LRP1B: variants seen among roughly 807,000 people sequenced by gnomAD.
LRP1B encodes the protein LDL receptor related protein 1B.
Under a neutral mutation model 556.6 loss-of-function variants are expected in LRP1B, and 217 were observed. The ratio of observed to expected loss-of-function variants is 0.39; its 90% CI spans 0.35 to 0.44. The LOEUF (loss-of-function observed/expected upper bound fraction) is 0.44, where lower values mean the gene tolerates loss of function less well. Among genes scored for constraint, LRP1B ranks in the 20% least tolerant of loss-of-function variants. The pLI is 1.00. For missense variants in LRP1B, 5,053 were observed against 5,620.8 expected (o/e 0.90, Z 3.23); for synonymous variants, 2,047 against 1,865.8 (o/e 1.10, Z -2.50).
intron 37 of LRP1B, among the ~76,000 whole-genome samples, chr2:140,709,040 T>C (rs1686939625): frequency 6.6e-6 from 1 of 152,090 alleles, no homozygotes; most frequent in African/African-American, 2.4e-5. Context: ...CAAGACCTTT[T>C]ATATATTGTT....
chr2:141,532,060 T>C (rs1016958734), intron 2 of LRP1B, among the ~76,000 whole-genome samples: 1 of 152,138 alleles, frequency 6.6e-6, no homozygotes, highest in African/African-American at 2.4e-5. Flanking sequence ...GAAGAATAAA[T>C]TCATAATGTT....
intron 2 of LRP1B, among the ~76,000 whole-genome samples, chr2:141,645,469 C>CTTT (rs750147915): frequency 1.0e-3 from 49 of 48,372 alleles, no homozygotes; most frequent in African/African-American, 3.2e-3. Context: ...GAAGACAAGG[C>CTTT]TTTTTTTTTT....
chr2:140,859,690 T>C (rs1692729498), intron 27 of LRP1B, among the ~76,000 whole-genome samples: 1 of 152,132 alleles, frequency 6.6e-6, no homozygotes, highest in Admixed American at 6.5e-5. Context: ...ATGGTAACCT[T>C]TGTTTATGAA....
intron 7 of LRP1B, among the ~76,000 whole-genome samples, chr2:141,173,839 T>G (rs981540645): frequency 1.3e-5 from 2 of 152,086 alleles, no homozygotes; most frequent in Non-Finnish European, 2.9e-5. Flanking sequence ...CTGTTCTTCC[T>G]GCTATGTGAG....
intron 7 of LRP1B, among the ~76,000 whole-genome samples, chr2:141,157,978 A>C (rs1205717238): frequency 6.6e-6 from 1 of 152,166 alleles, no homozygotes; most frequent in Non-Finnish European, 1.5e-5. Context: ...ATCTACAAAT[A>C]CACCAGTTGT....
At chr2:140,457,787 G>A (rs1687163222) in intron 60 of LRP1B, 136 bp from the exon 61 acceptor site, 5 of 658,412 alleles carry the variant, frequency 7.6e-6, no homozygotes, top group Non-Finnish European at 2.5e-6. Flanking sequence ...TGTCAGGCCA[G>A]CAAAGTTCTT....
intron 1 of LRP1B, among the ~76,000 whole-genome samples, chr2:141,839,267 T>C (rs1697386078): frequency 6.6e-6 from 1 of 152,142 alleles, no homozygotes; most frequent in African/African-American, 2.4e-5. Flanking sequence ...ACATGTACCT[T>C]ACATAGTGGA....
intron 78 of LRP1B, among the ~76,000 whole-genome samples, chr2:140,334,832 T>G (rs938572182): frequency 6.6e-6 from 1 of 152,048 alleles, no homozygotes; most frequent in Non-Finnish European, 1.5e-5. Flanking sequence ...CAAAATTCAA[T>G]TTTGAAAATT....
intron 59 of LRP1B, among the ~76,000 whole-genome samples, chr2:140,482,406 C>A (rs1015426723): frequency 6.6e-6 from 1 of 152,106 alleles, no homozygotes; most frequent in African/African-American, 2.4e-5. Context: ...AGAGTTTTAA[C>A]ATATTTACAT....
rs1559131664 is a variant in LRP1B, at chr2:141,544,405, C to CCTCCTT, written c.206-63873_206-63872insAAGGAG. Among the ~76,000 whole-genome samples the CCTCCTT allele has an allele frequency of 4.1e-4, 27 of 65,926 alleles. 2 individuals are homozygous for CCTCCTT. In the South Asian group the frequency reaches 0.013, roughly 31 times the overall value. The allele number at this position is 65,926 out of a possible 152,430, so 43.3% of individuals were successfully genotyped here. A position where few individuals can be genotyped will look rare whatever the true frequency, so the allele number is the denominator to read the frequency against. On this transcript the variant is annotated intron_variant, in intron 2 of 90. Transcript: ENST00000389484. The stretch of plus-strand genomic sequence containing the variant: ...TTCTCCTCCTCCTCCTCCTCCTCCT[C>CCTCCTT]CTCCTCCTTCTCCTCCTTCTCCTCC...
At chr2:141,139,397 G>A (rs935218643) in intron 7 of LRP1B, among the ~76,000 whole-genome samples, 1 of 151,640 alleles carries the variant, frequency 6.6e-6, no homozygotes, top group Admixed American at 6.6e-5. Flanking sequence ...GACACTGTTA[G>A]GAGAATAAAA....
At chr2:140,257,146 T>G (rs990065619) in intron 86 of LRP1B, among the ~76,000 whole-genome samples, 8 of 152,172 alleles carry the variant, frequency 5.3e-5, no homozygotes, top group Admixed American at 2.6e-4. Flanking sequence ...TAAAGTTAAT[T>G]TGGGATCAAG....
At chr2:140,914,722 G>A (rs986026197) in intron 21 of LRP1B, among the ~76,000 whole-genome samples, 2 of 152,062 alleles carry the variant, frequency 1.3e-5, no homozygotes, top group African/African-American at 4.8e-5. Flanking sequence ...ATGGGCAAGG[G>A]AAAGTGAAAT....
At chr2:141,480,276 C>A in intron 3 of LRP1B, 120 bp downstream of exon 3, 1 of 1,109,258 alleles carries the variant, frequency 9.0e-7, no homozygotes, top group Non-Finnish European at 1.3e-6. Flanking sequence ...AAAATTCATG[C>A]TTTCTTAATA....
At chr2:141,369,463 C>T (rs558086380) in intron 3 of LRP1B, among the ~76,000 whole-genome samples, 34 of 152,106 alleles carry the variant, frequency 2.2e-4, no homozygotes, top group African/African-American at 8.0e-4. Flanking sequence ...AATGTTGAAG[C>T]CAATGTCAAC....
chr2:141,255,046 A>T (rs997149390), intron 3 of LRP1B, among the ~76,000 whole-genome samples: 1 of 152,104 alleles, frequency 6.6e-6, no homozygotes, highest in Non-Finnish European at 1.5e-5. Flanking sequence ...CCTTCATAGC[A>T]ATCAATGTGA....
intron 71 of LRP1B, among the ~76,000 whole-genome samples, chr2:140,369,092 A>G (rs1682878253): frequency 6.6e-6 from 1 of 151,936 alleles, no homozygotes; most frequent in Non-Finnish European, 1.5e-5. Flanking sequence ...GAGATTTTCT[A>G]GTTTGGCTAG....
At chr2:141,224,109 G>C (rs540890361) in intron 6 of LRP1B, among the ~76,000 whole-genome samples, 24 of 151,518 alleles carry the variant, frequency 1.6e-4, no homozygotes, top group Non-Finnish European at 2.8e-4. Flanking sequence ...CTACAGAATG[G>C]AAGACAATTT....
chr2:141,262,055 G>C (rs1190029773), intron 3 of LRP1B, among the ~76,000 whole-genome samples: 1 of 152,010 alleles, frequency 6.6e-6, no homozygotes, highest in Non-Finnish European at 1.5e-5. Context: ...GGTATTTTCA[G>C]CTTTTAATTT....
Sources: gnomAD v4.1 joint callset for allele counts (sites outside exome capture counted in the v4.1 genomes callset) on GRCh38, gnomAD v4.1.1 for gene constraint, MANE v1.5 for transcripts, NCBI Gene and HGNC (gene_info 2026-07-23, HGNC 2026-07-21) for gene names.